Variants in SEMA3A observed in about 807,000 individuals in gnomAD.
SEMA3A encodes semaphorin-3A.
A neutral mutation model predicts 97.9 loss-of-function variants in SEMA3A; 29 were observed. The ratio of observed to expected loss-of-function variants is 0.30; its 90% confidence interval spans 0.22 to 0.40. The LOEUF (loss-of-function observed/expected upper bound fraction) is 0.40. Ranked by LOEUF, SEMA3A falls within the 10% of genes least tolerant of loss-of-function variation. The pLI is 1.00. For synonymous variants in SEMA3A, 321 were observed against 323.7 expected (o/e 0.99, Z 0.09); for missense variants, 763 against 951.3 (o/e 0.80, Z 2.60).
intron 5 of SEMA3A, among the ~76,000 whole-genome samples, chr7:84,055,717 C>G (rs1046999650): frequency 6.6e-6 from 1 of 152,234 alleles, no homozygotes; most frequent in African/African-American, 2.4e-5. Flanking sequence ...ATTCAGCCAT[C>G]TTGGCTCCTC....
intron 4 of SEMA3A, among the ~76,000 whole-genome samples, chr7:84,095,090 TATAA>T (rs552707146): frequency 4.0e-5 from 6 of 148,948 alleles, no homozygotes; most frequent in Non-Finnish European, 7.4e-5. Flanking sequence ...TTATAATTTA[TATAA>T]ATAAATATAC....
intron 2 of SEMA3A, among the ~76,000 whole-genome samples, chr7:84,321,872 G>GAAAAAAAAAAAAAAAAAA (rs1156548285): frequency 6.7e-4 from 8 of 12,022 alleles, no homozygotes; most frequent in East Asian, 2.3e-3. Flanking sequence ...CGAGACTACG[G>GAAAAAAAAAAAAAAAAAA]AAAAAAAAAA....
intron 3 of SEMA3A, among the ~76,000 whole-genome samples, chr7:84,236,782 C>T (rs1799245357): frequency 6.6e-6 from 1 of 152,080 alleles, no homozygotes. Context: ...TCTTCCAATA[C>T]CTTGAACAAA....
At chr7:84,046,867 TA>T (rs1792375476) in intron 5 of SEMA3A, among the ~76,000 whole-genome samples, 2 of 152,096 alleles carry the variant, frequency 1.3e-5, no homozygotes, top group Non-Finnish European at 2.9e-5. Flanking sequence ...GGTATCATTA[TA>T]AAATCTTATT....
intron 3 of SEMA3A, among the ~76,000 whole-genome samples, chr7:84,296,293 T>G (rs964053210): frequency 6.6e-6 from 1 of 152,168 alleles, no homozygotes; most frequent in South Asian, 2.1e-4. Flanking sequence ...AAACCAATCA[T>G]ATGATGTAAT....
At chr7:84,198,661 T>C (rs1457075603), upstream of SEMA3A, among the ~76,000 whole-genome samples, 3 of 152,254 alleles carry the variant, frequency 2.0e-5, no homozygotes, top group African/African-American at 7.2e-5. Flanking sequence ...TAATATGTTC[T>C]AACAATTCGA....
At chr7:84,293,835 G>A (rs570368516) in intron 3 of SEMA3A, among the ~76,000 whole-genome samples, 2 of 152,028 alleles carry the variant, frequency 1.3e-5, no homozygotes, top group South Asian at 2.1e-4. Context: ...GGTTTCCAAG[G>A]TTAACAACAG....
chr7:83,977,795 TTTTTC>T (rs1271249306), intron 14 of SEMA3A, among the ~76,000 whole-genome samples: 1 of 151,014 alleles, frequency 6.6e-6, no homozygotes, highest in East Asian at 1.9e-4. Context: ...ATCCTTTTTT[TTTTTC>T]TTTCTTTCTT....
intron 1 of SEMA3A, among the ~76,000 whole-genome samples, chr7:84,419,883 C>G (rs1190116725): frequency 6.6e-6 from 1 of 152,152 alleles, no homozygotes; most frequent in Non-Finnish European, 1.5e-5. Flanking sequence ...CAGATGCAAT[C>G]TACAAAAACT....
intron 3 of SEMA3A, among the ~76,000 whole-genome samples, chr7:84,240,187 T>C (rs79765525): frequency 4.6e-5 from 7 of 152,134 alleles, no homozygotes; most frequent in East Asian, 1.9e-4. Flanking sequence ...TTATAAGAAG[T>C]CTTAAAAATA....
rs1474559655 is a variant in SEMA3A, at chr7:83,958,740, T to C, written c.*2631A>G. 1 of 152,502 alleles carries C rather than the reference T, an allele frequency of 6.6e-6. No homozygotes were observed. Among genetic ancestry groups the C allele is most frequent in the East Asian group, 1.9e-4 (1 of 5,192 alleles). The allele number at this position is 152,502 out of a possible 1,614,324, so 9.4% of individuals were successfully genotyped here. On this transcript the variant is annotated 3_prime_UTR_variant, in exon 17 of 17. Transcript: ENST00000265362. ...CATACCACTGCAAATTACTAAATAA[T>C]ACATAAAATGAAGTGTGCATTTACA...
chr7:83,971,106 C>T (rs1386537144), intron 15 of SEMA3A, among the ~76,000 whole-genome samples: 1 of 152,124 alleles, frequency 6.6e-6, no homozygotes, highest in African/African-American at 2.4e-5. Flanking sequence ...TCTTAACATT[C>T]ATGTATATTT....
chr7:84,468,093 G>C (rs1324047493), intron 1 of SEMA3A, among the ~76,000 whole-genome samples: 2 of 152,152 alleles, frequency 1.3e-5, no homozygotes, highest in African/African-American at 4.8e-5. Context: ...AAATAATCTA[G>C]TCCAACGAAC....
chr7:84,392,334 T>C (rs952777943), intron 1 of SEMA3A, among the ~76,000 whole-genome samples: 6 of 152,182 alleles, frequency 3.9e-5, no homozygotes, highest in African/African-American at 1.4e-4. Flanking sequence ...TGTCTTCTTG[T>C]TTGGCTTATT....
chr7:84,209,251 T>C (rs1798568481), intron 3 of SEMA3A, among the ~76,000 whole-genome samples: 2 of 152,288 alleles, frequency 1.3e-5, no homozygotes, highest in Middle Eastern at 3.4e-3. Flanking sequence ...GTGATCCAAG[T>C]AGGAATGACA....
At chr7:84,033,862 G>A (rs923776219) in intron 6 of SEMA3A, among the ~76,000 whole-genome samples, 4 of 152,092 alleles carry the variant, frequency 2.6e-5, no homozygotes, top group Admixed American at 6.5e-5. Context: ...GGCCACACAC[G>A]TAGTAGCAGG....
chr7:84,227,300 A>T (rs1000568874), intron 3 of SEMA3A, among the ~76,000 whole-genome samples: 5 of 152,046 alleles, frequency 3.3e-5, no homozygotes, highest in African/African-American at 1.2e-4. Context: ...AGAGTTTATC[A>T]AGATATTTTT....
At chr7:84,090,994 GAGAC>G (rs940107782) in intron 4 of SEMA3A, among the ~76,000 whole-genome samples, 2 of 150,912 alleles carry the variant, frequency 1.3e-5, no homozygotes, top group African/African-American at 4.9e-5. Context: ...TTGAACCCGG[GAGAC>G]AGAGTTTGCA....
intron 1 of SEMA3A, among the ~76,000 whole-genome samples, chr7:84,178,975 C>A (rs1797654566): frequency 6.6e-6 from 1 of 151,940 alleles, no homozygotes. Context: ...CCAAACGGTT[C>A]TTTGATTCCT....
Sources: allele counts gnomAD v4.1 joint callset (sites outside exome capture counted in the v4.1 genomes callset), GRCh38; gene constraint gnomAD v4.1.1; transcripts MANE v1.5; gene names NCBI Gene and HGNC (gene_info 2026-07-23, HGNC 2026-07-21).